The following FCHSD2 variants were observed in gnomAD, a reference collection of about 807,000 sequenced individuals.
The protein encoded by FCHSD2 is FCH and double SH3 domains 2, also known as F-BAR and double SH3 domains protein 2.
In FCHSD2, 38 loss-of-function variants were observed where a neutral mutation model predicts 108.1. That is an observed-to-expected ratio of 0.35 (90% CI 0.27 to 0.46). The LOEUF is 0.46. FCHSD2 is among the 20% of genes least tolerant of loss of function. The pLI is 1.00. For missense variants in FCHSD2, 751 were observed against 897.8 expected (o/e 0.84, Z 2.09); for synonymous variants, 279 against 314.7 (o/e 0.89, Z 1.20).
intron 3 of FCHSD2, among the ~76,000 whole-genome samples, chr11:73,053,305 A>T (rs577001990): frequency 5.9e-5 from 9 of 152,266 alleles, no homozygotes; most frequent in African/African-American, 2.2e-4. Context: ...AAATGTGTGG[A>T]TCTACAACCT....
chr11:73,131,580 T>G (rs915071356), intron 2 of FCHSD2, among the ~76,000 whole-genome samples: 1 of 151,856 alleles, frequency 6.6e-6, no homozygotes, highest in African/African-American at 2.4e-5. Context: ...GGCATACAGC[T>G]GTAATCCCAG....
chr11:72,893,189 T>C (rs544093765), intron 10 of FCHSD2, among the ~76,000 whole-genome samples: 47 of 151,384 alleles, frequency 3.1e-4, no homozygotes, highest in African/African-American at 1.1e-3. Flanking sequence ...TTAGTAGAGA[T>C]GGGGGTTTTG....
chr11:72,863,889 T>TA (rs1434655550), intron 13 of FCHSD2, among the ~76,000 whole-genome samples: 1 of 152,250 alleles, frequency 6.6e-6, no homozygotes, highest in Non-Finnish European at 1.5e-5. Context: ...GATGTAATTG[T>TA]AAAATGGTAT....
intron 8 of FCHSD2, among the ~76,000 whole-genome samples, chr11:72,947,271 CA>C (rs1371320815): frequency 6.6e-6 from 1 of 152,222 alleles, no homozygotes; most frequent in Non-Finnish European, 1.5e-5. Context: ...CTGTGTGTCA[CA>C]AGAGAAGTTT....
intron 12 of FCHSD2, among the ~76,000 whole-genome samples, chr11:72,874,333 C>T (rs1027818815): frequency 2.0e-5 from 3 of 152,126 alleles, no homozygotes; most frequent in Non-Finnish European, 2.9e-5. Context: ...ACTACAGGTG[C>T]ATGCCACCAT....
At chr11:73,034,301 CT>C (rs1858436041) in intron 3 of FCHSD2, among the ~76,000 whole-genome samples, 1 of 152,096 alleles carries the variant, frequency 6.6e-6, no homozygotes, top group Non-Finnish European at 1.5e-5. Flanking sequence ...TTTTAAAAGC[CT>C]TTTAAGACCA....
chr11:72,850,420 A>G (rs1861254789), intron 13 of FCHSD2, among the ~76,000 whole-genome samples: 1 of 150,338 alleles, frequency 6.7e-6, no homozygotes. Flanking sequence ...CTCTGTTGCC[A>G]GGCTTGAGTG....
In FCHSD2 at chr11:73,090,514, C is replaced by T. The variant is rs185142470; in HGVS notation, c.120-6774G>A. Among the ~76,000 whole-genome samples, 831 of 152,212 alleles carry T rather than the reference C, an allele frequency of 5.5e-3. 3 individuals are homozygous for T. Among genetic ancestry groups the T allele is most frequent in the South Asian group, 0.016 (77 of 4,820 alleles). On this transcript the variant is annotated intron_variant, in intron 2 of 19. Coordinates refer to ENST00000409418, the MANE Select transcript of FCHSD2 (RefSeq NM_014824.3). ...TGCTGGGATTACAGGCGTGAGCCAC[C>T]GCGCGCGGCCTACAATACTTCTTAA...
chr11:72,989,232 A>T, intron 5 of FCHSD2, 135 bp from the exon 6 acceptor site: 1 of 580,238 alleles, frequency 1.7e-6, no homozygotes, highest in South Asian at 3.0e-5. Flanking sequence ...GTGTCCTTCA[A>T]ATTGCAGATT....
intron 8 of FCHSD2, among the ~76,000 whole-genome samples, chr11:72,927,837 G>A (rs1425533413): frequency 2.0e-5 from 3 of 152,240 alleles, no homozygotes; most frequent in Non-Finnish European, 2.9e-5. Flanking sequence ...TACTGTTACT[G>A]TAGATGGATC....
intron 8 of FCHSD2, among the ~76,000 whole-genome samples, chr11:72,981,904 C>T: frequency 6.6e-6 from 1 of 152,304 alleles, no homozygotes; most frequent in East Asian, 1.9e-4. Context: ...TCCCTTGAGA[C>T]CAGGAGGTTC....
chr11:72,911,487 A>C (rs1406328091), intron 9 of FCHSD2, among the ~76,000 whole-genome samples: 1 of 152,130 alleles, frequency 6.6e-6, no homozygotes, highest in African/African-American at 2.4e-5. Flanking sequence ...TGGTTCTGTC[A>C]AAATTTTAGG....
chr11:72,970,004 G>C (rs1210067342), intron 8 of FCHSD2, among the ~76,000 whole-genome samples: 4 of 152,094 alleles, frequency 2.6e-5, no homozygotes, highest in African/African-American at 9.7e-5. Flanking sequence ...CATCTTTATT[G>C]TATTTTGTGA....
intron 17 of FCHSD2, 97 bp from the exon 18 acceptor site, chr11:72,841,680 A>C: frequency 7.8e-7 from 1 of 1,275,336 alleles, no homozygotes; most frequent in South Asian, 1.7e-5. Flanking sequence ...TTTTCTCTAA[A>C]GCTAAGCTGA....
At chr11:73,117,714 G>A (rs559312868) in intron 2 of FCHSD2, among the ~76,000 whole-genome samples, 11 of 152,286 alleles carry the variant, frequency 7.2e-5, no homozygotes, top group Non-Finnish European at 1.2e-4. Flanking sequence ...GAATTTTACA[G>A]CTAACATCCA....
intron 4 of FCHSD2, among the ~76,000 whole-genome samples, chr11:73,002,298 T>C (rs535363287): frequency 6.6e-6 from 1 of 152,318 alleles, no homozygotes; most frequent in Admixed American, 6.5e-5. Flanking sequence ...TGAATCGGTT[T>C]AGATGGAAAT....
intron 4 of FCHSD2, among the ~76,000 whole-genome samples, chr11:73,002,070 T>TGAAAAA (rs1857636196): frequency 6.6e-6 from 1 of 152,218 alleles, no homozygotes; most frequent in African/African-American, 2.4e-5. Context: ...TCCTGAGATT[T>TGAAAAA]CCCTTTTGTG....
At chr11:73,063,249 G>A (rs967692579) in intron 3 of FCHSD2, among the ~76,000 whole-genome samples, 1 of 152,310 alleles carries the variant, frequency 6.6e-6, no homozygotes, top group South Asian at 2.1e-4. Flanking sequence ...GAGGGATTTT[G>A]TCACCACCAG....
chr11:72,961,426 G>A (rs866779874), intron 8 of FCHSD2, among the ~76,000 whole-genome samples: 1 of 135,660 alleles, frequency 7.4e-6, no homozygotes, highest in Non-Finnish European at 1.7e-5. Context: ...TGTTGTTGTT[G>A]TTGTTGTTTT....
Sources: gnomAD v4.1 joint callset for allele counts (sites outside exome capture counted in the v4.1 genomes callset) on GRCh38, gnomAD v4.1.1 for gene constraint, MANE v1.5 for transcripts, NCBI Gene and HGNC (gene_info 2026-07-23, HGNC 2026-07-21) for gene names.